The following ARMCX4 variants were observed in gnomAD, a reference collection of about 807,000 sequenced individuals.
ARMCX4 encodes the protein armadillo repeat containing X-linked 4, also known as armadillo repeat-containing X-linked protein 4.
A neutral mutation model predicts 34.7 loss-of-function variants in ARMCX4; 3 were observed. That is an observed-to-expected ratio of 0.09 (90% CI 0.04 to 0.22). The LOEUF is 0.22. ARMCX4 is among the 10% of genes least tolerant of loss of function. The pLI is 1.00. For synonymous variants in ARMCX4, 513 were observed against 632.8 expected (o/e 0.81, Z 2.84); for missense variants, 1,448 against 1,720.8 (o/e 0.84, Z 2.81).
intron 11 of ARMCX4, among the ~76,000 whole-genome samples, chrX:101,514,810 T>C (rs1461471498): frequency 8.9e-6 from 1 of 111,801 alleles, no homozygotes; most frequent in Non-Finnish European, 1.9e-5. Flanking sequence ...TCTTTAATGC[T>C]AGCAGGGTTA....
In ARMCX4 at chrX:101,502,941, C is replaced by T. The variant is rs1469185955; in HGVS notation, c.*1178-1996C>T. Reference sequence around the variant, plus strand: ...CTAATGCTATCCCTCCCCCCTCCCCCCACCCCACAACAGGCCCTGGTGTGT... The same window carrying T: ...CTAATGCTATCCCTCCCCCCTCCCCTCACCCCACAACAGGCCCTGGTGTGT... On this transcript the variant is annotated intron_variant and NMD_transcript_variant, in intron 7 of 12. Coordinates refer to the ARMCX4 transcript ENST00000354842. 7.4e-5 allele frequency among the ~76,000 whole-genome samples: 5 copies of T among 67,341 alleles called. No individual in the cohort carries two copies. In the South Asian group the frequency reaches 7.2e-3, roughly 97 times the overall value. The allele number at this position is 67,341 out of a possible 115,157, so 58.5% of individuals were successfully genotyped here. A position where few individuals can be genotyped will look rare whatever the true frequency, so the allele number is the denominator to read the frequency against.
Position 101,495,321 on chromosome X carries a change from C to G in ARMCX4, c.6732C>G (p.Thr2244=). The change falls in exon 6 of 6, where the codon ACC becomes ACG. Residue 2244 remains threonine, a synonymous_variant. Coordinates refer to ENST00000423738, the MANE Select transcript of ARMCX4 (RefSeq NM_001256155.3). ...YHFKRRAKAF[T]QDKFSKNSLY... is the part of the protein sequence containing the mutation. ...TTAAAAGAAGAGCAAAAGCATTTAC[C>G]CAGGACAAATTCAGTAAAAATTCCC... The G allele has an allele frequency of 2.6e-6, 3 of 1,149,793 alleles. No homozygotes were observed. The highest frequency in any genetic ancestry group is 3.5e-6 in the Non-Finnish European group (3 of 868,003). The allele number at this position is 1,149,793 out of a possible 1,213,427, so 94.8% of individuals were successfully genotyped here.
At chrX:101,504,142 C>G (rs1342809972) in intron 7 of ARMCX4, among the ~76,000 whole-genome samples, 3 of 111,461 alleles carry the variant, frequency 2.7e-5, no homozygotes, top group African/African-American at 9.8e-5. Context: ...TTCCATTGGT[C>G]TATATCTCTG....
At chrX:101,428,140 A>C (rs1469458150) in intron 2 of ARMCX4, among the ~76,000 whole-genome samples, 1 of 112,465 alleles carries the variant, frequency 8.9e-6, no homozygotes, top group South Asian at 3.7e-4. Context: ...ACAAATGTGC[A>C]TAAACAAGTG....
At chrX:101,433,019 T>C (rs1176227428) in intron 2 of ARMCX4, among the ~76,000 whole-genome samples, 2 of 81,340 alleles carry the variant, frequency 2.5e-5, no homozygotes, top group African/African-American at 8.5e-5. Flanking sequence ...TATACACATA[T>C]GTATACATAC....
chrX:101,477,376 A>G (rs909273344), intron 4 of ARMCX4, among the ~76,000 whole-genome samples: 2 of 91,473 alleles, frequency 2.2e-5, no homozygotes, highest in Admixed American at 1.4e-4. Context: ...GGTTGCAGTG[A>G]GCCAAAATCG....
chrX:101,491,481 C>CAAA lies in ARMCX4; in HGVS notation c.2895_2897dup (p.Lys965dup). ...TTCAGGGTGAGGTCTTGCCTGGGGCCAAAAATAAGGTCAGGGGCAATTCCA... is the reference window on the plus strand; with the variant it reads ...TTCAGGGTGAGGTCTTGCCTGGGGCCAAAAAAAATAAGGTCAGGGGCAATTCCA... On this transcript the variant is annotated inframe_insertion, in exon 6 of 6. Transcript: ENST00000423738. 8.7e-7 allele frequency: 1 copy of CAAA among 1,153,830 alleles called. No homozygotes were observed. Among genetic ancestry groups the CAAA allele is most frequent in the Non-Finnish European group, 1.1e-6 (1 of 872,306 alleles).
At chrX:101,508,496 A>G (rs1455389801) in intron 8 of ARMCX4, among the ~76,000 whole-genome samples, 1 of 110,935 alleles carries the variant, frequency 9.0e-6, no homozygotes, top group African/African-American at 3.3e-5. Context: ...TCTTCTTATA[A>G]GGACACCAAT....
downstream of ARMCX4, among the ~76,000 whole-genome samples, chrX:101,534,948 A>G (rs1295556779): frequency 1.8e-5 from 2 of 112,053 alleles, no homozygotes; most frequent in African/African-American, 6.5e-5. Flanking sequence ...AACAATTGGC[A>G]TGGCACTTAA....
chrX:101,424,214 C>T (rs1429198564), intron 2 of ARMCX4, among the ~76,000 whole-genome samples: 3 of 111,500 alleles, frequency 2.7e-5, no homozygotes, highest in Non-Finnish European at 3.8e-5. Context: ...TTCTGGATAG[C>T]GAACACATGG....
chrX:101,452,722 A>T (rs972131588), downstream of ARMCX4, among the ~76,000 whole-genome samples: 22 of 109,290 alleles, frequency 2.0e-4, no homozygotes, highest in Non-Finnish European at 3.8e-4. Context: ...CACCCGGCTA[A>T]TTTTTGTATT....
intron 2 of ARMCX4, among the ~76,000 whole-genome samples, chrX:101,433,161 TATAC>T (rs1265559015): frequency 1.9e-5 from 2 of 107,896 alleles, no homozygotes; most frequent in Non-Finnish European, 3.9e-5. Context: ...TACACATATG[TATAC>T]ATACATGTGT....
chrX:101,433,601 TGTG>T (rs1280361357), intron 2 of ARMCX4, among the ~76,000 whole-genome samples: 25 of 111,749 alleles, frequency 2.2e-4, no homozygotes, highest in African/African-American at 7.8e-4. Flanking sequence ...ACTGGGTTGT[TGTG>T]GTGATTAAAT....
chrX:101,436,269 C>T (rs1257688056), intron 2 of ARMCX4, among the ~76,000 whole-genome samples: 3 of 110,833 alleles, frequency 2.7e-5, no homozygotes, highest in Non-Finnish European at 5.7e-5. Context: ...ATTCTTCCTA[C>T]CCATGAGCAT....
At chrX:101,465,738 C>A (rs2147614724) in intron 4 of ARMCX4, among the ~76,000 whole-genome samples, 1 of 111,775 alleles carries the variant, frequency 8.9e-6, no homozygotes, top group South Asian at 3.7e-4. Context: ...TCTAAAACTG[C>A]AGAATACAGT....
At chrX:101,432,893 TATAC>T (rs1555992642) in intron 2 of ARMCX4, among the ~76,000 whole-genome samples, 17 of 53,097 alleles carry the variant, frequency 3.2e-4, no homozygotes, top group South Asian at 1.4e-3. Context: ...CGTGTGTATA[TATAC>T]GTGTATATAC....
chrX:101,520,592 C>T (rs1556018860), intron 11 of ARMCX4, among the ~76,000 whole-genome samples: 1 of 111,998 alleles, frequency 8.9e-6, no homozygotes, highest in African/African-American at 3.2e-5. Flanking sequence ...GTTAACCTGA[C>T]TTTACATTCC....
chrX:101,466,328 T>A (rs1932790941), intron 4 of ARMCX4, among the ~76,000 whole-genome samples: 1 of 111,137 alleles, frequency 9.0e-6, no homozygotes, highest in Non-Finnish European at 1.9e-5. Context: ...TGGAAAAGAG[T>A]TTTGTATAGA....
chrX:101,530,397 T>G (rs949311416), intron 11 of ARMCX4, among the ~76,000 whole-genome samples: 1 of 111,439 alleles, frequency 9.0e-6, no homozygotes, highest in South Asian at 3.7e-4. Context: ...GATGAATTAA[T>G]GGGTGCAGCA....
Sources: allele counts gnomAD v4.1 joint callset (sites outside exome capture counted in the v4.1 genomes callset), GRCh38; gene constraint gnomAD v4.1.1; transcripts MANE v1.5; gene names NCBI Gene and HGNC (gene_info 2026-07-23, HGNC 2026-07-21).